The following CACNG3 variants were observed in gnomAD, a reference collection of about 807,000 sequenced individuals.
CACNG3 encodes the protein voltage-dependent calcium channel gamma-3 subunit.
A neutral mutation model predicts 28.5 loss-of-function variants in CACNG3; 3 were observed. That is an observed-to-expected ratio of 0.11 (90% CI 0.05 to 0.27). The LOEUF is 0.27. CACNG3 is among the 10% of genes least tolerant of loss of function. The pLI, the probability that CACNG3 is intolerant of heterozygous loss-of-function variation, is 1.00. For missense variants in CACNG3, 236 were observed against 414.4 expected (o/e 0.57, Z 3.74); for synonymous variants, 174 against 162.2 (o/e 1.07, Z -0.55).
chr16:24,316,488 G>A (rs1381943116), intron 1 of CACNG3, among the ~76,000 whole-genome samples: 5 of 152,124 alleles, frequency 3.3e-5, no homozygotes, highest in Non-Finnish European at 7.3e-5. Flanking sequence ...CAAAGCTCCT[G>A]CGGGAAGGAC....
chr16:24,271,697 G>C (rs1898692880), intron 1 of CACNG3, among the ~76,000 whole-genome samples: 1 of 152,194 alleles, frequency 6.6e-6, no homozygotes, highest in African/African-American at 2.4e-5. Flanking sequence ...AAATAAGGCA[G>C]ACATGGTTCC....
At chr16:24,339,584 C>G (rs181936481) in intron 1 of CACNG3, among the ~76,000 whole-genome samples, 163 of 152,272 alleles carry the variant, frequency 1.1e-3, no homozygotes, top group African/African-American at 3.6e-3. Context: ...CGGGGTTTCA[C>G]CATGCTGGCC....
chr16:24,267,924 G>A (rs1898636674), intron 1 of CACNG3, among the ~76,000 whole-genome samples: 1 of 152,084 alleles, frequency 6.6e-6, no homozygotes, highest in Admixed American at 6.5e-5. Context: ...GCCCACCTTG[G>A]CCTCCCAGAG....
intron 1 of CACNG3, among the ~76,000 whole-genome samples, chr16:24,285,802 C>T (rs899142725): frequency 1.3e-5 from 2 of 150,924 alleles, no homozygotes; most frequent in East Asian, 3.9e-4. Flanking sequence ...TACACCATGG[C>T]TATCCTTCTG....
intron 2 of CACNG3, among the ~76,000 whole-genome samples, chr16:24,349,368 G>A (rs1231965493): frequency 6.6e-6 from 1 of 152,230 alleles, no homozygotes; most frequent in East Asian, 1.9e-4. Context: ...TAGAGTGAAA[G>A]CAAGTTTATT....
Position 24,309,238 on chromosome 16 carries a change from A to G in CACNG3, c.212-37496A>G, listed in dbSNP as rs373634476. Among the ~76,000 whole-genome samples the G allele has an allele frequency of 7.3e-4, 111 of 152,360 alleles. 3 individuals carry two copies. In the South Asian group the frequency reaches 0.022, roughly 31 times the overall value. ...AGCAAATAAATGACATCTACTGCCTAATATGCACAAGGTGCATCCCATACT... is the reference window on the plus strand; with the variant it reads ...AGCAAATAAATGACATCTACTGCCTGATATGCACAAGGTGCATCCCATACT... On this transcript the variant is annotated intron_variant, in intron 1 of 3. Coordinates refer to ENST00000005284, the MANE Select transcript of CACNG3 (RefSeq NM_006539.4).
At chr16:24,340,712 C>T (rs1159741920) in intron 1 of CACNG3, among the ~76,000 whole-genome samples, 2 of 152,188 alleles carry the variant, frequency 1.3e-5, no homozygotes, top group African/African-American at 2.4e-5. Context: ...GTCTCTACAA[C>T]TGCACTTCAA....
At chr16:24,312,659 T>C (rs1417235887) in intron 1 of CACNG3, among the ~76,000 whole-genome samples, 3 of 151,724 alleles carry the variant, frequency 2.0e-5, no homozygotes, top group African/African-American at 7.3e-5. Context: ...CTTAAAAATT[T>C]TTTTTTTAAT....
At chr16:24,281,275 A>G (rs1048541226) in intron 1 of CACNG3, among the ~76,000 whole-genome samples, 5 of 152,130 alleles carry the variant, frequency 3.3e-5, no homozygotes, top group Non-Finnish European at 5.9e-5. Flanking sequence ...AGCTCGCTGT[A>G]ATCTCGACCT....
At chr16:24,261,247 G>T (rs749772868) in intron 1 of CACNG3, among the ~76,000 whole-genome samples, 4 of 152,212 alleles carry the variant, frequency 2.6e-5, no homozygotes, top group Non-Finnish European at 5.9e-5. Flanking sequence ...GGTAACGGTA[G>T]ATTTGAGAAG....
intron 1 of CACNG3, among the ~76,000 whole-genome samples, chr16:24,285,852 T>TTC (rs1225464519): frequency 6.7e-6 from 1 of 148,548 alleles, no homozygotes. Flanking sequence ...TTTCTTTTTT[T>TTC]TTTTTTTTTG....
At chr16:24,334,317 G>A (rs1485120763) in intron 1 of CACNG3, among the ~76,000 whole-genome samples, 1 of 152,132 alleles carries the variant, frequency 6.6e-6, no homozygotes, top group Non-Finnish European at 1.5e-5. Flanking sequence ...CCTGTTTATG[G>A]GTTGGAGCAG....
At chr16:24,347,933 C>T (rs182164501) in intron 2 of CACNG3, among the ~76,000 whole-genome samples, 13 of 152,194 alleles carry the variant, frequency 8.5e-5, no homozygotes, top group Admixed American at 3.9e-4. Flanking sequence ...AAAAATTAGC[C>T]GGGGCCCAAC....
chr16:24,273,788 C>T, intron 1 of CACNG3, among the ~76,000 whole-genome samples: 1 of 152,180 alleles, frequency 6.6e-6, no homozygotes, highest in South Asian at 2.1e-4. Flanking sequence ...TTGCATCACA[C>T]TTGGGCTTTC....
At chr16:24,270,474 C>G (rs1456324414) in intron 1 of CACNG3, among the ~76,000 whole-genome samples, 1 of 152,224 alleles carries the variant, frequency 6.6e-6, no homozygotes, top group East Asian at 1.9e-4. Context: ...AAGATCAAAT[C>G]AAGAGGCAAT....
intron 1 of CACNG3, among the ~76,000 whole-genome samples, chr16:24,316,408 C>G (rs1899352706): frequency 6.6e-6 from 1 of 151,880 alleles, no homozygotes; most frequent in South Asian, 2.1e-4. Context: ...AAATGTCCGG[C>G]ACACTGAGAG....
intron 1 of CACNG3, among the ~76,000 whole-genome samples, chr16:24,321,579 A>G (rs944403216): frequency 6.6e-6 from 1 of 152,250 alleles, no homozygotes. Context: ...CCAAAGCACA[A>G]GAGTAGTTAT....
chr16:24,280,706 C>G (rs1898813305), intron 1 of CACNG3, among the ~76,000 whole-genome samples: 1 of 150,736 alleles, frequency 6.6e-6, no homozygotes, highest in Admixed American at 6.6e-5. Flanking sequence ...ATCCCAGCTA[C>G]TTGGGAGGCT....
chr16:24,281,922 G>C (rs1291558930), intron 1 of CACNG3, among the ~76,000 whole-genome samples: 1 of 143,162 alleles, frequency 7.0e-6, no homozygotes, highest in Non-Finnish European at 1.6e-5. Context: ...AAGGTGTAGA[G>C]AGAGGTGACT....
Sources: allele counts gnomAD v4.1 joint callset (sites outside exome capture counted in the v4.1 genomes callset), GRCh38; gene constraint gnomAD v4.1.1; transcripts MANE v1.5; gene names NCBI Gene and HGNC (gene_info 2026-07-23, HGNC 2026-07-21).